Variants in VIT observed in about 807,000 individuals in gnomAD.
VIT encodes the protein vitrin.
VIT carries 99 observed loss-of-function variants against 78.0 expected under a neutral mutation model. The observed-to-expected ratio is 1.27, with a 90% CI of 1.08 to 1.50. The LOEUF is 1.50. Among genes scored for constraint, VIT ranks in the 40% most tolerant of loss-of-function variants. VIT has a pLI of 0.00. For synonymous variants in VIT, 374 were observed against 334.3 expected (o/e 1.12, Z -1.29); for missense variants, 1,126 against 875.3 (o/e 1.29, Z -3.61).
In VIT at chr2:36,716,365, A is replaced by G. The variant is rs769031230; in HGVS notation, c.-6A>G. ...TCTTTCTCTCCAGGGTGTCATTCTG[A>G]TATTTATGAGGACTGTTGTTCTCAC... On this transcript the variant is annotated 5_prime_UTR_variant, in exon 2 of 16. Coordinates refer to ENST00000379242, the MANE Select transcript of VIT (RefSeq NM_053276.4). 9 of 1,613,558 alleles carry G rather than the reference A, an allele frequency of 5.6e-6. No individual in the cohort carries two copies. The South Asian group carries it at 9.9e-5, about 18-fold the overall frequency.
intron 1 of VIT, among the ~76,000 whole-genome samples, chr2:36,698,305 G>A (rs1323865544): frequency 1.3e-5 from 2 of 152,180 alleles, no homozygotes; most frequent in Non-Finnish European, 2.9e-5. Context: ...TTGTTAAGAA[G>A]ATCTGTCTTT....
intron 13 of VIT, among the ~76,000 whole-genome samples, chr2:36,803,081 T>A (rs1375053372): frequency 6.6e-6 from 1 of 152,186 alleles, no homozygotes; most frequent in Non-Finnish European, 1.5e-5. Flanking sequence ...AAGCTTCTTC[T>A]AGAGCTGCCA....
intron 1 of VIT, among the ~76,000 whole-genome samples, chr2:36,714,167 T>A (rs570972598): frequency 1.3e-5 from 2 of 152,368 alleles, no homozygotes; most frequent in South Asian, 4.1e-4. Flanking sequence ...TAATTGTTTG[T>A]AATAAAGCTT....
intron 3 of VIT, among the ~76,000 whole-genome samples, chr2:36,732,291 T>C (rs1667258376): frequency 6.6e-6 from 1 of 152,374 alleles, no homozygotes; most frequent in Non-Finnish European, 1.5e-5. Flanking sequence ...TCAAATGGAT[T>C]GAATTTCTGA....
chr2:36,702,656 G>A lies in VIT; in HGVS notation c.-19+5683G>A, dbSNP rs561466395. Among the ~76,000 whole-genome samples, 5 of 152,254 alleles carry A rather than the reference G, an allele frequency of 3.3e-5. No individual in the cohort carries two copies. The East Asian group carries it at 9.7e-4, about 29-fold the overall frequency. On this transcript the variant is annotated intron_variant, in intron 1 of 15. Transcript: ENST00000379242. The stretch of plus-strand genomic sequence containing the variant: ...CGGTAGTCTCTTCGTGTCCAGAGTT[G>A]AAGTGGGTACAGGGAGGAAAGGTGA...
At chr2:36,736,086 T>G (rs560706668) in intron 3 of VIT, among the ~76,000 whole-genome samples, 146 of 152,314 alleles carry the variant, frequency 9.6e-4, no homozygotes, top group Non-Finnish European at 1.5e-3. Flanking sequence ...GGCTCTCATT[T>G]TCCTGATAAG....
intron 14 of VIT, 23 bp from the exon 15 acceptor site, chr2:36,808,449 G>C (rs768332861): frequency 8.9e-6 from 14 of 1,580,296 alleles, no homozygotes; most frequent in Middle Eastern, 1.7e-4. Context: ...ACGTGGCGTG[G>C]GTCCCTCCCC....
At chr2:36,803,667 C>T (rs1666492328) in intron 13 of VIT, among the ~76,000 whole-genome samples, 1 of 152,216 alleles carries the variant, frequency 6.6e-6, no homozygotes, top group South Asian at 2.1e-4. Context: ...ATTTCTGCAG[C>T]ATCTGTATAT....
At chr2:36,715,123 C>A (rs4670165) in intron 1 of VIT, among the ~76,000 whole-genome samples, 87,008 of 151,984 alleles carry the variant, frequency 0.57, 25,698 homozygotes, top group Admixed American at 0.66. Flanking sequence ...ATTCCCATGG[C>A]TGCCATAGTC....
intron 9 of VIT, among the ~76,000 whole-genome samples, chr2:36,776,826 C>T (rs1340138321): frequency 8.6e-5 from 13 of 150,694 alleles, no homozygotes; most frequent in African/African-American, 3.2e-4. Context: ...CGCGGTGGCT[C>T]ACACCTGTAT....
In VIT at chr2:36,805,424, T is replaced by A; in HGVS notation, c.1163-14T>A. ...GCGTGATCACTCCAAGCATGAATTT[T>A]CTTTTTCTTCCAGGTCGGGCCATCT... On this transcript the variant is annotated splice_polypyrimidine_tract_variant and intron_variant, in intron 13 of 15. Transcript: ENST00000379242. The A allele has an allele frequency of 6.3e-7, 1 of 1,586,642 alleles. No individual in the cohort carries two copies.
intron 11 of VIT, among the ~76,000 whole-genome samples, chr2:36,786,780 G>A (rs1665125695): frequency 6.6e-6 from 1 of 152,226 alleles, no homozygotes; most frequent in Non-Finnish European, 1.5e-5. Context: ...ACTCAGTCTT[G>A]ATGAATTCTC....
chr2:36,773,995 A>G (rs773070907), intron 8 of VIT, 148 bp downstream of exon 8: 8 of 673,378 alleles, frequency 1.2e-5, no homozygotes, highest in Admixed American at 7.4e-5. Flanking sequence ...CAAGGGCCCA[A>G]CTTCTAAGAA....
chr2:36,716,515 G>C, intron 2 of VIT, 93 bp downstream of exon 2: 1 of 1,087,642 alleles, frequency 9.2e-7, no homozygotes, highest in Non-Finnish European at 1.4e-6. Flanking sequence ...CCAAGACAGA[G>C]CATATAAACA....
chr2:36,796,531 C>G (rs1279277289), intron 12 of VIT, among the ~76,000 whole-genome samples: 1 of 152,084 alleles, frequency 6.6e-6, no homozygotes, highest in African/African-American at 2.4e-5. Context: ...ATAAAGTGAT[C>G]AACATCAACC....
intron 4 of VIT, among the ~76,000 whole-genome samples, chr2:36,751,291 G>A (rs181934985): frequency 7.2e-5 from 11 of 152,276 alleles, no homozygotes; most frequent in Admixed American, 5.9e-4. Context: ...AGCTACTCAG[G>A]AGGCTGAGGC....
chr2:36,776,933 C>CAAA (rs1245300983), intron 9 of VIT, among the ~76,000 whole-genome samples: 1 of 147,696 alleles, frequency 6.8e-6, no homozygotes, highest in Non-Finnish European at 1.5e-5. Context: ...ACTAAAAACA[C>CAAA]AAAAAATTAG....
intron 4 of VIT, among the ~76,000 whole-genome samples, chr2:36,746,106 T>C (rs1483896819): frequency 6.6e-6 from 1 of 152,048 alleles, no homozygotes; most frequent in African/African-American, 2.4e-5. Flanking sequence ...GGTAAATCAT[T>C]TTTATTGATT....
At chr2:36,699,616 AGATATATAGG>A (rs1225294241) in intron 1 of VIT, among the ~76,000 whole-genome samples, 4 of 138,336 alleles carry the variant, frequency 2.9e-5, no homozygotes, top group African/African-American at 8.4e-5. Context: ...AGATATAGAT[AGATATATAGG>A]TAGATAGATA....
Sources: gnomAD v4.1 joint callset for allele counts (sites outside exome capture counted in the v4.1 genomes callset) on GRCh38, gnomAD v4.1.1 for gene constraint, MANE v1.5 for transcripts, NCBI Gene and HGNC (gene_info 2026-07-23, HGNC 2026-07-21) for gene names.